The following VWC2 variants were observed in gnomAD, a reference collection of about 807,000 sequenced individuals.
VWC2 encodes brorin.
Under a neutral mutation model 29.8 loss-of-function variants are expected in VWC2, and 14 were observed. The ratio of observed to expected loss-of-function variants is 0.47; its 90% confidence interval spans 0.31 to 0.74. VWC2 has a LOEUF of 0.74. Ranked by LOEUF, VWC2 falls within the 30% of genes least tolerant of loss-of-function variation. The pLI, the probability that VWC2 is intolerant of heterozygous loss-of-function variation, is 0.05. For missense variants in VWC2, 457 were observed against 459.8 expected, an observed-to-expected ratio of 0.99 and a Z score of 0.05; for synonymous variants, 213 against 199.0, an observed-to-expected ratio of 1.07 and a Z score of -0.59.
At chr7:49,779,782 G>A (rs1029639054) in intron 2 of VWC2, among the ~76,000 whole-genome samples, 1 of 152,152 alleles carries the variant, frequency 6.6e-6, no homozygotes, top group African/African-American at 2.4e-5. Context: ...CAAGATCAAG[G>A]TGTCAGCAGG....
chr7:49,799,011 G>A (rs1788667789), intron 2 of VWC2, among the ~76,000 whole-genome samples: 2 of 152,208 alleles, frequency 1.3e-5, no homozygotes, highest in Non-Finnish European at 2.9e-5. Flanking sequence ...GCATTGAGGG[G>A]GCATAGGCCA....
At chr7:49,823,909 TG>T (rs751666357) in intron 3 of VWC2, among the ~76,000 whole-genome samples, 5 of 152,230 alleles carry the variant, frequency 3.3e-5, no homozygotes, top group African/African-American at 4.8e-5. Flanking sequence ...TTGAAGTGCC[TG>T]TTCAAATCTT....
intron 3 of VWC2, among the ~76,000 whole-genome samples, chr7:49,855,813 G>A (rs1430225897): frequency 6.6e-6 from 1 of 152,168 alleles, no homozygotes; most frequent in Non-Finnish European, 1.5e-5. Context: ...AGGGGCCGGT[G>A]GCTGACGGTG....
At chr7:49,774,552 T>C (rs1019931706) in intron 1 of VWC2, among the ~76,000 whole-genome samples, 36 of 152,182 alleles carry the variant, frequency 2.4e-4, no homozygotes, top group Non-Finnish European at 3.8e-4. Context: ...CCTCCCGCAC[T>C]GCACACCTTG....
chr7:49,871,363 TTATTA>T (rs1225427060), intron 3 of VWC2, among the ~76,000 whole-genome samples: 1 of 152,182 alleles, frequency 6.6e-6, no homozygotes, highest in African/African-American at 2.4e-5. Flanking sequence ...ATGGTTTTCT[TTATTA>T]TAACATTGCT....
At chr7:49,863,937 G>A (rs192771367) in intron 3 of VWC2, among the ~76,000 whole-genome samples, 145 of 152,032 alleles carry the variant, frequency 9.5e-4, no homozygotes, top group Non-Finnish European at 1.4e-3. Context: ...GTAAGTTTTC[G>A]TATGTTGTTT....
rs1381105498 is a variant in VWC2 at position 49,920,225 on chromosome 7, C to CA, written c.*8043dup. 2.0e-5 allele frequency: 3 copies of CA among 151,990 alleles called. No homozygotes were observed. Among genetic ancestry groups the CA allele is most frequent in the Non-Finnish European group, 2.9e-5 (2 of 67,966 alleles). The allele number at this position is 151,990 out of a possible 1,614,324, so 9.4% of individuals were successfully genotyped here. On this transcript the variant is annotated 3_prime_UTR_variant, in exon 4 of 4. Transcript: ENST00000340652. ...TATTAAGAAGTATGACTAAAAAACT[C>CA]AAACATTTTAATACACGATGAATCC...
In VWC2 at chr7:49,917,295, GC is replaced by G. The variant is rs1793773752; in HGVS notation, c.*5112del. ...ATTTTGCAAAGCACCTGCTATTCTA[GC>G]CTTAACACAAAGATTTGGCTAATTT... On this transcript the variant is annotated 3_prime_UTR_variant, in exon 4 of 4. Coordinates refer to ENST00000340652, the MANE Select transcript of VWC2 (RefSeq NM_198570.5). The G allele has an allele frequency of 6.6e-6, 1 of 152,048 alleles. No individual in the cohort carries two copies. Among genetic ancestry groups the G allele is most frequent in the Non-Finnish European group, 1.5e-5 (1 of 67,988 alleles). The allele number at this position is 152,048 out of a possible 1,614,324, so 9.4% of individuals were successfully genotyped here.
chr7:49,833,626 T>C (rs1367794121), intron 3 of VWC2, among the ~76,000 whole-genome samples: 2 of 152,190 alleles, frequency 1.3e-5, no homozygotes, highest in African/African-American at 4.8e-5. Context: ...GCTTCATGGC[T>C]CTTTATGGAA....
chr7:49,916,497 T>C lies in VWC2; in HGVS notation c.*4312T>C, dbSNP rs1793734942. ...TTGTCACTCTATGTCCCAGTAATAG[T>C]ACTAATTTGGTTTCTTATTTTAACA... On this transcript the variant is annotated 3_prime_UTR_variant, in exon 4 of 4. Coordinates refer to ENST00000340652, the MANE Select transcript of VWC2 (RefSeq NM_198570.5). 2.0e-5 allele frequency: 3 copies of C among 152,334 alleles called. No homozygotes were observed. The South Asian group carries it at 6.2e-4, about 32-fold the overall frequency. The allele number at this position is 152,334 out of a possible 1,614,324, so 9.4% of individuals were successfully genotyped here.
At chr7:49,831,168 G>A (rs558368952) in intron 3 of VWC2, among the ~76,000 whole-genome samples, 1 of 152,264 alleles carries the variant, frequency 6.6e-6, no homozygotes, top group South Asian at 2.1e-4. Context: ...TCCAAGTTGA[G>A]GGCGCCCATC....
chr7:49,780,117 G>A (rs557626), intron 2 of VWC2, among the ~76,000 whole-genome samples: 17,426 of 152,246 alleles, frequency 0.11, 1,177 homozygotes, highest in South Asian at 0.27. Flanking sequence ...TGGGGTGTGT[G>A]AGGATGCATC....
intron 2 of VWC2, among the ~76,000 whole-genome samples, chr7:49,780,986 C>A (rs554018929): frequency 6.6e-6 from 1 of 152,176 alleles, no homozygotes; most frequent in African/African-American, 2.4e-5. Flanking sequence ...TGAGAAAGTG[C>A]CAGCAAAGAG....
chr7:49,803,336 A>G (rs904234183), intron 3 of VWC2, among the ~76,000 whole-genome samples: 1 of 152,218 alleles, frequency 6.6e-6, no homozygotes, highest in African/African-American at 2.4e-5. Context: ...AAGTGGCAGG[A>G]TGTCCTTGAT....
At chr7:49,784,324 C>A (rs1788247808) in intron 2 of VWC2, among the ~76,000 whole-genome samples, 1 of 152,178 alleles carries the variant, frequency 6.6e-6, no homozygotes, top group South Asian at 2.1e-4. Context: ...TGTCATTTCA[C>A]ATTCTATATT....
chr7:49,807,399 A>G (rs1003389100), intron 3 of VWC2, among the ~76,000 whole-genome samples: 1 of 152,210 alleles, frequency 6.6e-6, no homozygotes, highest in Admixed American at 6.5e-5. Context: ...ACTCCAAGAG[A>G]TAGTAATTAG....
intron 3 of VWC2, among the ~76,000 whole-genome samples, chr7:49,856,385 TCTC>T (rs1003384361): frequency 3.9e-4 from 60 of 152,280 alleles, no homozygotes; most frequent in African/African-American, 1.4e-3. Context: ...GGCTCCCTCT[TCTC>T]CTTCTGCCAT....
At chr7:49,858,966 A>G (rs1225530676) in intron 3 of VWC2, among the ~76,000 whole-genome samples, 1 of 152,204 alleles carries the variant, frequency 6.6e-6, no homozygotes, top group Admixed American at 6.5e-5. Context: ...TTATCAGAAT[A>G]TGTCAGGATA....
intron 3 of VWC2, among the ~76,000 whole-genome samples, chr7:49,851,678 T>G (rs1357088551): frequency 6.6e-6 from 1 of 152,122 alleles, no homozygotes; most frequent in Non-Finnish European, 1.5e-5. Context: ...GCCAACATGG[T>G]GAAACCCTGT....
Sources: gnomAD v4.1 joint callset for allele counts (sites outside exome capture counted in the v4.1 genomes callset) on GRCh38, gnomAD v4.1.1 for gene constraint, MANE v1.5 for transcripts, NCBI Gene and HGNC (gene_info 2026-07-23, HGNC 2026-07-21) for gene names.